The following RPL14 variants were observed in gnomAD, a reference collection of about 807,000 sequenced individuals.
RPL14 encodes the protein ribosomal protein L14.
Under a neutral mutation model 25.3 loss-of-function variants are expected in RPL14, and 4 were observed. The observed-to-expected ratio is 0.16, with a 90% confidence interval of 0.08 to 0.36. The LOEUF (loss-of-function observed/expected upper bound fraction) is 0.36, where lower values mean the gene tolerates loss of function less well. Among genes scored for constraint, RPL14 ranks in the 10% least tolerant of loss-of-function variants. The probability of loss-of-function intolerance (pLI) is 1.00; values close to 1 mark genes in which losing one functional copy is unlikely to be tolerated. For synonymous variants in RPL14, 75 were observed against 89.8 expected (o/e 0.84, Z 0.93); for missense variants, 212 against 261.9 (o/e 0.81, Z 1.31).
chr3:40,460,441 C>T (rs1696919000), intron 3 of RPL14, among the ~76,000 whole-genome samples: 2 of 151,776 alleles, frequency 1.3e-5, no homozygotes, highest in South Asian at 4.1e-4. Flanking sequence ...TTGCTAGAAC[C>T]TAGGAAGCAG....
At chr3:40,461,841 G>A (rs974007563) in intron 5 of RPL14, 98 bp from the exon 6 acceptor site, 41 of 1,374,540 alleles carry the variant, frequency 3.0e-5, no homozygotes, top group Non-Finnish European at 3.9e-5. Context: ...TGTAGTTGTA[G>A]GGAAACAGAC....
At chr3:40,468,585 CAAGT>C (rs1317708594) in exon 6 of RPL14, 6 of 151,956 alleles carry the variant, frequency 3.9e-5, no homozygotes, top group Admixed American at 3.3e-4. Context: ...ATTAGCTTGT[CAAGT>C]AAGTTGTCAT....
rs941559114 is a variant in RPL14, at chr3:40,466,522, A to AG, written c.*4290_*4291insG. On this transcript the variant is annotated 3_prime_UTR_variant, in exon 6 of 6. Coordinates refer to ENST00000396203, the MANE Select transcript of RPL14 (RefSeq NM_001034996.3). ...CCTGTCTCTACTAAAAATCAAAAAA[A>AG]AAAAAAAAAAAATGGCTGATTTCAG... is the stretch of plus-strand genomic sequence containing the variant. 6.6e-6 allele frequency: 1 copy of AG among 151,256 alleles called. No homozygotes were observed. The highest frequency in any genetic ancestry group is 2.4e-5 in the African/African-American group (1 of 41,176). The allele number at this position is 151,256 out of a possible 1,614,324, so 9.4% of individuals were successfully genotyped here. A position where few individuals can be genotyped will look rare whatever the true frequency, so the allele number is the denominator to read the frequency against.
chr3:40,461,347 T>A (rs1696933978), intron 3 of RPL14, 60 bp from the exon 4 acceptor site: 1 of 1,359,588 alleles, frequency 7.4e-7, no homozygotes, highest in Non-Finnish European at 1.1e-6. Context: ...AAAGAAAGTG[T>A]CTTTGATAAT....
rs1264518961 is a variant in RPL14 at position 40,465,293 on chromosome 3, A to G, written c.*3061A>G. The G allele has an allele frequency of 6.6e-6, 1 of 152,156 alleles. No homozygotes were observed. Among genetic ancestry groups the G allele is most frequent in the Non-Finnish European group, 1.5e-5 (1 of 68,052 alleles). 9.4% of individuals were successfully genotyped at this position (152,156 alleles called of 1,614,324 possible). Reference sequence around the variant, plus strand: ...GGAAGAGGGTAGTAAGCAAAGGAGAAATGTTATATGGGGTTCGGAGGTTTT... The same window carrying G: ...GGAAGAGGGTAGTAAGCAAAGGAGAGATGTTATATGGGGTTCGGAGGTTTT... On this transcript the variant is annotated 3_prime_UTR_variant, in exon 6 of 6. Transcript: ENST00000396203.
rs1327345498 is a variant in RPL14 at position 40,468,203 on chromosome 3, A to G, written c.*5971A>G. On this transcript the variant is annotated 3_prime_UTR_variant, in exon 6 of 6. Transcript: ENST00000396203. Reference sequence around the variant, plus strand: ...TTGTGTACACCTCCTTCTGTACACAATGATGTTTATCTGATGCACATTGCC... The same window carrying G: ...TTGTGTACACCTCCTTCTGTACACAGTGATGTTTATCTGATGCACATTGCC... 1 of 152,190 alleles carries G rather than the reference A, an allele frequency of 6.6e-6. No homozygotes were observed. Among genetic ancestry groups the G allele is most frequent in the Non-Finnish European group, 1.5e-5 (1 of 68,032 alleles). 9.4% of individuals were successfully genotyped at this position (152,190 alleles called of 1,614,324 possible).
rs749845440 is a variant in RPL14 at position 40,458,731 on chromosome 3, G to A, written c.195G>A (p.Pro65=). Residue 65 remains proline (P), a synonymous_variant, in exon 3 of 6, where the codon CCG becomes CCA. Transcript: ENST00000396203. ...TCACTGATTTCATCCTCAAGTTTCC[G>A]CACAGGTAACTGTCCACTAATCACT... ...MQLTDFILKF[P]HSAHQKYVRQ... 17 of 1,612,644 alleles carry A rather than the reference G, an allele frequency of 1.1e-5. No homozygotes were observed. Among genetic ancestry groups the A allele is most frequent in the East Asian group, 2.2e-5 (1 of 44,888 alleles).
At position 40,464,098 on chromosome 3, in the gene RPL14, CAGGGGT is replaced by C. The variant is rs750959059; in HGVS notation, c.*1867_*1872del. 32 of 178,140 alleles carry C rather than the reference CAGGGGT, an allele frequency of 1.8e-4. No homozygotes were observed. Among genetic ancestry groups the C allele is most frequent in the Non-Finnish European group, 3.0e-4 (25 of 83,168 alleles). The allele number at this position is 178,140 out of a possible 1,614,324, so 11.0% of individuals were successfully genotyped here. ...TGTTCTGCCTCAGCCTCCCAAGTAG[CAGGGGT>C]TAAATGCGTGTACCACCATGCCCCT... On this transcript the variant is annotated 3_prime_UTR_variant, in exon 6 of 6. Coordinates refer to ENST00000396203, the MANE Select transcript of RPL14 (RefSeq NM_001034996.3).
intron 2 of RPL14, chr3:40,458,341 T>C: frequency 1.9e-6 from 1 of 514,352 alleles, no homozygotes; most frequent in Non-Finnish European, 3.5e-6. Context: ...AGTTGACCAC[T>C]GACTATAAAT....
At chr3:40,461,383 A>G in intron 3 of RPL14, 24 bp from the exon 4 acceptor site, 2 of 1,602,610 alleles carry the variant, frequency 1.2e-6, no homozygotes, top group South Asian at 2.2e-5. Flanking sequence ...TGATTTCTTA[A>G]TCTGTGGTCT....
rs374721159 is a variant in RPL14 at position 40,457,392 on chromosome 3, C to T, written c.-80C>T. 700 of 1,602,128 alleles carry T rather than the reference C, an allele frequency of 4.4e-4. 9 individuals carry two copies. In the South Asian group the frequency reaches 7.0e-3, roughly 16 times the overall value. ...AGTCTTACTGTTGCGGGCTCCGGGG[C>T]CGTCGACCATGCCGCTCGACCTCCA... On this transcript the variant is annotated 5_prime_UTR_variant, in exon 1 of 6. Coordinates refer to ENST00000396203, the MANE Select transcript of RPL14 (RefSeq NM_001034996.3).
chr3:40,461,632 C>T lies in RPL14; in HGVS notation c.325C>T (p.Arg109Cys), dbSNP rs750834399. ...ERKAKMTDFDRFKVMKAKKMR... is the reference protein window; with the variant it reads ...ERKAKMTDFDCFKVMKAKKMR... Reference sequence around the variant, plus strand: ...GAAAGCCAAGATGACAGATTTTGATCGTTTTAAAGTTATGAAGGCAAAGAA... The same window carrying T: ...GAAAGCCAAGATGACAGATTTTGATTGTTTTAAAGTTATGAAGGCAAAGAA... The change falls in exon 5 of 6, where the codon CGT (arginine) becomes TGT (cysteine). Residue 109 changes from arginine to cysteine, a missense_variant. Around this residue, in one of 3 missense-constraint regions of RPL14, gnomAD observed 143 missense variants for 180.3 expected, o/e 0.79. Coordinates refer to ENST00000396203, the MANE Select transcript of RPL14 (RefSeq NM_001034996.3). 42 of 1,603,110 alleles carry T rather than the reference C, an allele frequency of 2.6e-5. No individual in the cohort carries two copies. The Admixed American group carries it at 5.5e-4, about 21-fold the overall frequency.
At chr3:40,460,178 ATT>A (rs1476105360) in intron 3 of RPL14, among the ~76,000 whole-genome samples, 1 of 151,770 alleles carries the variant, frequency 6.6e-6, no homozygotes, top group African/African-American at 2.4e-5. Context: ...GTTACTGTAA[ATT>A]TTTTTTTAAA....
rs1347943590 is a variant in RPL14 at position 40,468,209 on chromosome 3, T to C, written c.*5977T>C. The C allele has an allele frequency of 6.6e-6, 1 of 152,182 alleles. No individual in the cohort carries two copies. Among genetic ancestry groups the C allele is most frequent in the Non-Finnish European group, 1.5e-5 (1 of 68,022 alleles). 9.4% of individuals were successfully genotyped at this position (152,182 alleles called of 1,614,324 possible). The stretch of plus-strand genomic sequence containing the variant: ...ACACCTCCTTCTGTACACAATGATG[T>C]TTATCTGATGCACATTGCCAATCAG... On this transcript the variant is annotated 3_prime_UTR_variant, in exon 6 of 6. Transcript: ENST00000396203.
Position 40,462,346 on chromosome 3 carries a change from T to A in RPL14, c.*114T>A. The A allele has an allele frequency of 1.1e-6, 1 of 927,870 alleles. No homozygotes were observed. The highest frequency in any genetic ancestry group is 1.6e-6 in the Non-Finnish European group (1 of 633,430). 57.5% of individuals were successfully genotyped at this position (927,870 alleles called of 1,614,324 possible). ...GTTAGGAGGCAGATTGATAGTAGGA[T>A]TATAATAAACATTAAATAATCAGTT... On this transcript the variant is annotated 3_prime_UTR_variant, in exon 6 of 6. Transcript: ENST00000396203.
At position 40,462,591 on chromosome 3, in the gene RPL14, T is replaced by C. The variant is rs1292240997; in HGVS notation, c.*359T>C. The C allele has an allele frequency of 1.1e-5, 2 of 174,350 alleles. No homozygotes were observed. Among genetic ancestry groups the C allele is most frequent in the Non-Finnish European group, 2.4e-5 (2 of 81,982 alleles). The allele number at this position is 174,350 out of a possible 1,614,324, so 10.8% of individuals were successfully genotyped here. ...CGGGGTTTCACCGTGTTAGCCAGGA[T>C]GGTCTCGCTCTCCTGACCTCGTGAT... On this transcript the variant is annotated 3_prime_UTR_variant, in exon 6 of 6. Transcript: ENST00000396203.
Position 40,462,372 on chromosome 3 carries a change from C to CT in RPL14, c.*140_*141insT. ...TATAATAAACATTAAATAATCAGTT[C>CT]CTTTTTTTTTTTTTTTTTTTTTGAG... On this transcript the variant is annotated 3_prime_UTR_variant, in exon 6 of 6. Coordinates refer to ENST00000396203, the MANE Select transcript of RPL14 (RefSeq NM_001034996.3). The CT allele has an allele frequency of 1.3e-5, 7 of 519,752 alleles. No homozygotes were observed. Among genetic ancestry groups the CT allele is most frequent in the East Asian group, 9.2e-5 (2 of 21,828 alleles). The allele number at this position is 519,752 out of a possible 1,614,324, so 32.2% of individuals were successfully genotyped here. A position where few individuals can be genotyped will look rare whatever the true frequency, so the allele number is the denominator to read the frequency against.
At chr3:40,458,584 C>G in intron 2 of RPL14, 58 bp from the exon 3 acceptor site, 2 of 1,322,404 alleles carry the variant, frequency 1.5e-6, no homozygotes, top group South Asian at 1.2e-5. Flanking sequence ...ACAGAACCAT[C>G]TGACCATTTT....
At chr3:40,457,635 G>C (rs1696864328) in intron 1 of RPL14, 161 bp downstream of exon 1, 3 of 687,036 alleles carry the variant, frequency 4.4e-6, no homozygotes, top group South Asian at 3.7e-5. Context: ...GGCTGATGCG[G>C]CTCGTGGTCC....
Sources: gnomAD v4.1 joint callset for allele counts (sites outside exome capture counted in the v4.1 genomes callset) on GRCh38, gnomAD v4.1.1 for gene constraint, gnomAD v4.1.1 regional missense constraint, MANE v1.5 for transcripts, NCBI Gene and HGNC (gene_info 2026-07-23, HGNC 2026-07-21) for gene names.